The following DPF3 variants were observed in gnomAD, a reference collection of about 807,000 sequenced individuals.
DPF3 encodes the protein zinc finger protein DPF3.
Under a neutral mutation model 56.8 loss-of-function variants are expected in DPF3, and 18 were observed. The observed-to-expected ratio is 0.32, with a 90% CI of 0.22 to 0.47. The LOEUF is 0.47. DPF3 is among the 20% of genes least tolerant of loss of function. The probability of loss-of-function intolerance (pLI) is 1.00; values close to 1 mark genes in which losing one functional copy is unlikely to be tolerated. For synonymous variants in DPF3, 188 were observed against 180.2 expected, an observed-to-expected ratio of 1.04 and a Z score of -0.35; for missense variants, 403 against 488.8, an observed-to-expected ratio of 0.82 and a Z score of 1.65.
At chr14:72,893,130 A>C (rs1886840750) in intron 1 of DPF3, among the ~76,000 whole-genome samples, 1 of 152,146 alleles carries the variant, frequency 6.6e-6, no homozygotes, top group Non-Finnish European at 1.5e-5. Context: ...GGATCTGGGC[A>C]AGCGCTCAAA....
intron 1 of DPF3, among the ~76,000 whole-genome samples, chr14:72,883,593 T>C (rs1292415838): frequency 6.6e-6 from 1 of 152,200 alleles, no homozygotes; most frequent in Admixed American, 6.5e-5. Context: ...CATGTAACTC[T>C]GAGATCTGAC....
intron 1 of DPF3, among the ~76,000 whole-genome samples, chr14:72,859,556 T>C (rs1885309623): frequency 7.3e-6 from 1 of 136,978 alleles, no homozygotes; most frequent in East Asian, 2.2e-4. Context: ...AGGCCATCCC[T>C]CTTCGACCTT....
chr14:72,756,906 A>AAAAGAAAG (rs1233456651), intron 2 of DPF3, among the ~76,000 whole-genome samples: 5,524 of 74,648 alleles, frequency 0.074, 410 homozygotes, highest in South Asian at 0.16. Flanking sequence ...AGAAAAGAAA[A>AAAAGAAAG]AAAGAAAGAA....
At chr14:72,730,412 C>T (rs1323454330) in intron 4 of DPF3, among the ~76,000 whole-genome samples, 1 of 152,162 alleles carries the variant, frequency 6.6e-6, no homozygotes, top group Non-Finnish European at 1.5e-5. Context: ...GTTGTGGCAA[C>T]TCAATGGAAA....
At chr14:72,651,962 A>G (rs546557798) in intron 8 of DPF3, among the ~76,000 whole-genome samples, 1 of 152,340 alleles carries the variant, frequency 6.6e-6, no homozygotes, top group East Asian at 1.9e-4. Flanking sequence ...ACTCACAGCC[A>G]GGATGGGTTC....
In DPF3 at chr14:72,612,548, A is replaced by G; in HGVS notation, c.*6749T>C. ...GCTTCCCACTTCCCACCTCCACCCC[A>G]CTCCTTAGCATCTATCACGGCAGAG... On this transcript the variant is annotated 3_prime_UTR_variant, in exon 11 of 11. Transcript: ENST00000556509. The G allele has an allele frequency of 2.0e-6, 1 of 511,234 alleles. No individual in the cohort carries two copies. Among genetic ancestry groups the G allele is most frequent in the African/African-American group, 2.0e-5 (1 of 48,884 alleles). The allele number at this position is 511,234 out of a possible 1,614,324, so 31.7% of individuals were successfully genotyped here.
chr14:72,815,781 G>A (rs1477805960), intron 1 of DPF3, among the ~76,000 whole-genome samples: 1 of 152,182 alleles, frequency 6.6e-6, no homozygotes, highest in Non-Finnish European at 1.5e-5. Flanking sequence ...TCCGAAATCA[G>A]TCTCACTGGG....
At chr14:72,803,703 G>A (rs905728525) in intron 1 of DPF3, among the ~76,000 whole-genome samples, 6 of 152,196 alleles carry the variant, frequency 3.9e-5, no homozygotes, top group African/African-American at 1.4e-4. Context: ...TCTAGTCCAG[G>A]ACTAGCCTCA....
intron 1 of DPF3, among the ~76,000 whole-genome samples, chr14:72,797,571 T>A (rs556517244): frequency 1.3e-5 from 2 of 152,348 alleles, no homozygotes; most frequent in South Asian, 4.1e-4. Context: ...GCTGGAAAAC[T>A]GAAATCATGT....
At chr14:72,715,499 G>A (rs1032057357) in intron 5 of DPF3, among the ~76,000 whole-genome samples, 3 of 152,158 alleles carry the variant, frequency 2.0e-5, no homozygotes, top group Non-Finnish European at 2.9e-5. Flanking sequence ...GGAAGGGGCA[G>A]CAGGTGAGGA....
chr14:72,807,536 T>C (rs969984989), intron 1 of DPF3, among the ~76,000 whole-genome samples: 2 of 151,198 alleles, frequency 1.3e-5, no homozygotes, highest in African/African-American at 4.9e-5. Context: ...AAACTTTCAG[T>C]TTTTAAAAAA....
At chr14:72,803,639 C>G (rs925938863) in intron 1 of DPF3, among the ~76,000 whole-genome samples, 6 of 152,162 alleles carry the variant, frequency 3.9e-5, no homozygotes, top group Admixed American at 3.3e-4. Context: ...AGTGGAAGCT[C>G]CACAAGGGTA....
At chr14:72,855,599 C>G (rs1439227284) in intron 1 of DPF3, among the ~76,000 whole-genome samples, 1 of 152,102 alleles carries the variant, frequency 6.6e-6, no homozygotes, top group Non-Finnish European at 1.5e-5. Context: ...CATGCCTTCC[C>G]CATTCCAGCC....
intron 2 of DPF3, 74 bp downstream of exon 2, chr14:72,771,659 A>G: frequency 6.6e-7 from 1 of 1,521,310 alleles, no homozygotes; most frequent in Non-Finnish European, 8.8e-7. Context: ...CTGGTTTCCC[A>G]GACAAGCTGC....
At chr14:72,664,795 AT>A (rs1413747908) in intron 8 of DPF3, among the ~76,000 whole-genome samples, 9 of 152,230 alleles carry the variant, frequency 5.9e-5, no homozygotes, top group African/African-American at 2.2e-4. Context: ...TCAACAAATA[AT>A]TATGGCACAC....
chr14:72,776,315 T>C (rs971701818), intron 1 of DPF3, among the ~76,000 whole-genome samples: 4 of 152,164 alleles, frequency 2.6e-5, no homozygotes, highest in Non-Finnish European at 2.9e-5. Context: ...GGGAAACAAA[T>C]TGCTGGGCTC....
chr14:72,754,181 C>T (rs1359400199), intron 2 of DPF3, among the ~76,000 whole-genome samples: 1 of 152,178 alleles, frequency 6.6e-6, no homozygotes, highest in Non-Finnish European at 1.5e-5. Flanking sequence ...CTTAGAGGAA[C>T]AGGGACTTCT....
chr14:72,736,966 C>T, intron 3 of DPF3, among the ~76,000 whole-genome samples: 1 of 151,900 alleles, frequency 6.6e-6, no homozygotes, highest in East Asian at 1.9e-4. Context: ...AGCTGTCACC[C>T]AAGCCAGCCG....
At chr14:72,877,336 A>G (rs1295100499) in intron 1 of DPF3, among the ~76,000 whole-genome samples, 2 of 152,098 alleles carry the variant, frequency 1.3e-5, no homozygotes, top group Non-Finnish European at 2.9e-5. Context: ...GAGCTTTTAT[A>G]CTATCCAGAC....
Sources: allele counts gnomAD v4.1 joint callset (sites outside exome capture counted in the v4.1 genomes callset), GRCh38; gene constraint gnomAD v4.1.1; transcripts MANE v1.5; gene names NCBI Gene and HGNC (gene_info 2026-07-23, HGNC 2026-07-21).